CPA4: variants seen among roughly 807,000 people sequenced by gnomAD.
The protein encoded by CPA4 is carboxypeptidase A4.
In CPA4, 49 loss-of-function variants were observed where a neutral mutation model predicts 54.7. That is an observed-to-expected ratio of 0.90 (90% CI 0.71 to 1.14). The LOEUF (loss-of-function observed/expected upper bound fraction) is 1.14, where lower values mean the gene tolerates loss of function less well. CPA4 is among the 50% of genes most tolerant of loss of function. The probability of loss-of-function intolerance (pLI) is 0.00; values close to 1 mark genes in which losing one functional copy is unlikely to be tolerated. For synonymous variants in CPA4, 215 were observed against 206.8 expected (o/e 1.04, Z -0.34); for missense variants, 487 against 525.1 (o/e 0.93, Z 0.71).
chr7:130,297,594 G>A (rs117793761), intron 1 of CPA4, among the ~76,000 whole-genome samples: 3,633 of 152,248 alleles, frequency 0.024, 72 homozygotes, highest in Non-Finnish European at 0.035. Flanking sequence ...CCACTGGAGA[G>A]CCCCTAGAAC....
intron 7 of CPA4, among the ~76,000 whole-genome samples, chr7:130,307,916 G>T (rs956357631): frequency 2.6e-5 from 4 of 152,222 alleles, no homozygotes; most frequent in Admixed American, 2.6e-4. Flanking sequence ...TCTAGAGCTT[G>T]ATTGGATTCA....
Position 130,322,386 on chromosome 7 carries a change from C to G in CPA4, c.1079-103C>G, listed in dbSNP as rs56342876. On this transcript the variant is annotated intron_variant, in intron 10 of 10. Transcript: ENST00000222482. ...GGACTGATGACTTGAGGAGCAAACT[C>G]TGGATTCCTTAAGGAACCCCAGGCA... is the stretch of plus-strand genomic sequence containing the variant. 5,783 of 907,088 alleles carry G rather than the reference C, an allele frequency of 6.4e-3. 219 individuals carry two copies. The African/African-American group carries it at 0.084, about 13-fold the overall frequency. 56.2% of individuals were successfully genotyped at this position (907,088 alleles called of 1,614,324 possible).
At position 130,310,674 on chromosome 7, in the gene CPA4, T is replaced by TCGCCATGGCCTGCCC; in HGVS notation, c.794-112_794-98dup. 1.1e-6 allele frequency: 1 copy of TCGCCATGGCCTGCCC among 923,942 alleles called. No homozygotes were observed. Among genetic ancestry groups the TCGCCATGGCCTGCCC allele is most frequent in the Admixed American group, 2.0e-5 (1 of 48,798 alleles). 57.2% of individuals were successfully genotyped at this position (923,942 alleles called of 1,614,324 possible). On this transcript the variant is annotated intron_variant, in intron 8 of 10. Transcript: ENST00000222482. The surrounding 1 kb of genome is among the most constrained non-coding windows in gnomAD (Gnocchi z 4.3). ...CATGGACTAGGTGCTCTGGGCCGTC[T>TCGCCATGGCCTGCCC]CGCCATGGCCTGCCCATTCCCAATA...
chr7:130,309,786 G>A (rs996457896), intron 8 of CPA4, among the ~76,000 whole-genome samples: 2 of 152,122 alleles, frequency 1.3e-5, no homozygotes, highest in African/African-American at 4.8e-5. Flanking sequence ...GTTTTGTTGA[G>A]ACACGGTCGT....
chr7:130,294,241 A>G (rs937097091), intron 1 of CPA4, among the ~76,000 whole-genome samples: 6 of 152,250 alleles, frequency 3.9e-5, no homozygotes, highest in African/African-American at 1.4e-4. Flanking sequence ...CCCTTTTGCT[A>G]TAACACAAGT....
intron 7 of CPA4, among the ~76,000 whole-genome samples, chr7:130,307,488 T>C (rs890376924): frequency 6.6e-6 from 1 of 151,884 alleles, no homozygotes; most frequent in Non-Finnish European, 1.5e-5. Flanking sequence ...ACAAATTGGC[T>C]GGGTGTGGTG....
intron 9 of CPA4, 37 bp downstream of exon 9, chr7:130,311,023 G>GCC (rs1300994793): frequency 1.3e-6 from 2 of 1,557,108 alleles, no homozygotes; most frequent in Non-Finnish European, 1.8e-6. Flanking sequence ...CCTGGGGCCC[G>GCC]CCTGACCCTC....
chr7:130,306,179 G>A (rs1182389712), intron 6 of CPA4: 23 of 514,098 alleles, frequency 4.5e-5, no homozygotes, highest in South Asian at 2.8e-4. Flanking sequence ...AGTCCACTCC[G>A]CAGAAAGGGA....
rs1205707997 is a variant in CPA4, at chr7:130,299,411, A to G, written c.285+7A>G. The G allele has an allele frequency of 1.2e-6, 2 of 1,613,482 alleles. No individual in the cohort carries two copies. Among genetic ancestry groups the G allele is most frequent in the Non-Finnish European group, 1.7e-6 (2 of 1,179,400 alleles). On this transcript the variant is annotated splice_region_variant and intron_variant, in intron 3 of 10. Coordinates refer to ENST00000222482, the MANE Select transcript of CPA4 (RefSeq NM_016352.4). ...GACAATTGAGGACCTGCAGGTAGGT[A>G]GACTATGCCTCCTGCCTCCTGCTCT...
intron 10 of CPA4, among the ~76,000 whole-genome samples, chr7:130,316,031 C>T (rs868632504): frequency 3.2e-4 from 49 of 152,138 alleles, no homozygotes; most frequent in Middle Eastern, 6.8e-3. Context: ...ATTGTGCCCC[C>T]GCCATAACTA....
intron 9 of CPA4, 66 bp downstream of exon 9, chr7:130,311,052 T>A: frequency 7.7e-7 from 1 of 1,299,088 alleles, no homozygotes; most frequent in Non-Finnish European, 1.1e-6. Context: ...GCTAAGGTGG[T>A]AGCTCTGCAG....
At chr7:130,315,670 C>T (rs182643659) in intron 10 of CPA4, among the ~76,000 whole-genome samples, 1 of 152,214 alleles carries the variant, frequency 6.6e-6, no homozygotes, top group East Asian at 1.9e-4. Context: ...CTCCACCCAT[C>T]CTGACAAGGT....
intron 10 of CPA4, among the ~76,000 whole-genome samples, chr7:130,312,553 G>A (rs535760907): frequency 9.9e-5 from 15 of 152,234 alleles, no homozygotes; most frequent in East Asian, 3.9e-4. Context: ...TGAATCATGG[G>A]GGCAGGTCTT....
At chr7:130,318,288 A>G (rs938533034) in intron 10 of CPA4, among the ~76,000 whole-genome samples, 1 of 152,154 alleles carries the variant, frequency 6.6e-6, no homozygotes, top group African/African-American at 2.4e-5. Context: ...TGCATCAGAC[A>G]CATTCTTTTC....
chr7:130,318,197 G>A (rs933176400), intron 10 of CPA4, among the ~76,000 whole-genome samples: 4 of 152,104 alleles, frequency 2.6e-5, no homozygotes, highest in African/African-American at 9.7e-5. Context: ...CTCTGAGGAC[G>A]TCCTCTCCAA....
chr7:130,306,035 G>A (rs989986967), intron 6 of CPA4, 115 bp downstream of exon 6: 18 of 788,844 alleles, frequency 2.3e-5, no homozygotes, highest in African/African-American at 1.4e-4. Flanking sequence ...AGACCCAGTC[G>A]GCTGGGGGGC....
chr7:130,296,460 A>G (rs1486039976), intron 1 of CPA4, among the ~76,000 whole-genome samples: 1 of 152,152 alleles, frequency 6.6e-6, no homozygotes, highest in Non-Finnish European at 1.5e-5. Context: ...TTGTGAAGTC[A>G]CCACTTTGGA....
intron 4 of CPA4, among the ~76,000 whole-genome samples, chr7:130,301,597 C>G (rs781455186): frequency 1.3e-5 from 2 of 152,144 alleles, no homozygotes; most frequent in African/African-American, 2.4e-5. Context: ...ATCACTCCCC[C>G]ACATCTAAAT....
chr7:130,322,637 G>A lies in CPA4; in HGVS notation c.1227G>A (p.Leu409=), dbSNP rs1242135955. 2 of 1,614,158 alleles carry A rather than the reference G, an allele frequency of 1.2e-6. No individual in the cohort carries two copies. The highest frequency in any genetic ancestry group is 1.7e-4 in the Middle Eastern group (1 of 6,060). ...CTGCAGAGGAGACGTGGCTGGGGCT[G>A]AAGACCATCATGGAGCATGTGCGGG... ...IPTAEETWLG[L]KTIMEHVRDN... is the part of the protein sequence containing the mutation. Residue 409 remains leucine (L), a synonymous_variant, in exon 11 of 11, where the codon CTG becomes CTA. Coordinates refer to ENST00000222482, the MANE Select transcript of CPA4 (RefSeq NM_016352.4).
Sources: gnomAD v4.1 joint callset for allele counts (sites outside exome capture counted in the v4.1 genomes callset) on GRCh38, gnomAD v4.1.1 for gene constraint, Gnocchi (gnomAD v3.1) non-coding constraint, MANE v1.5 for transcripts, NCBI Gene and HGNC (gene_info 2026-07-23, HGNC 2026-07-21) for gene names.